Variants in CYRIB observed in about 807,000 individuals in gnomAD.
CYRIB encodes the protein CYFIP-related Rac1 interactor B.
Under a neutral mutation model 44.2 loss-of-function variants are expected in CYRIB, and 8 were observed. The observed-to-expected ratio is 0.18, with a 90% CI of 0.11 to 0.33. The LOEUF (loss-of-function observed/expected upper bound fraction) is 0.33. CYRIB is among the 10% of genes least tolerant of loss of function. The pLI is 1.00. For missense variants in CYRIB, 185 were observed against 382.8 expected (o/e 0.48, Z 4.31); for synonymous variants, 131 against 127.2 (o/e 1.03, Z -0.20).
intron 8 of CYRIB, 169 bp downstream of exon 10, chr8:129,851,993 C>CAT (rs2043505627): frequency 2.5e-6 from 1 of 402,904 alleles, no homozygotes; most frequent in Non-Finnish European, 4.4e-6. Flanking sequence ...ACTGCAAATA[C>CAT]GTGGACAGGT....
intron 4 of CYRIB, among the ~76,000 whole-genome samples, chr8:129,866,208 C>G (rs1271200635): frequency 6.6e-6 from 1 of 152,204 alleles, no homozygotes; most frequent in East Asian, 1.9e-4. Context: ...CAGGTATGTG[C>G]CAACATTTAC....
chr8:129,925,039 C>A (rs2086644109), intron 1 of CYRIB, among the ~76,000 whole-genome samples: 1 of 152,192 alleles, frequency 6.6e-6, no homozygotes, highest in Non-Finnish European at 1.5e-5. Context: ...CCACTCCTTT[C>A]CACCTTGCTA....
At chr8:130,008,856 T>A (rs1450512053) in intron 1 of CYRIB, among the ~76,000 whole-genome samples, 2 of 152,200 alleles carry the variant, frequency 1.3e-5, no homozygotes, top group African/African-American at 2.4e-5. Flanking sequence ...AAGTTTCACT[T>A]CCACGTCGTC....
chr8:129,989,692 C>T (rs1050977759), intron 1 of CYRIB, among the ~76,000 whole-genome samples: 3 of 150,186 alleles, frequency 2.0e-5, no homozygotes, highest in South Asian at 2.1e-4. Context: ...ATGTGCACAA[C>T]GTGCAGGTTT....
At chr8:130,015,748 C>G (rs1053430504) in intron 1 of CYRIB, among the ~76,000 whole-genome samples, 25 of 152,220 alleles carry the variant, frequency 1.6e-4, no homozygotes, top group African/African-American at 5.8e-4. Context: ...GGCACCCACC[C>G]GCTAACACTG....
At chr8:129,898,232 G>A (rs916229933) in intron 2 of CYRIB, among the ~76,000 whole-genome samples, 3 of 151,918 alleles carry the variant, frequency 2.0e-5, no homozygotes, top group African/African-American at 4.8e-5. Flanking sequence ...TTTGCATGAC[G>A]TTAGTGCTAA....
chr8:129,957,973 A>T lies in CYRIB; in HGVS notation c.-243+12970T>A, dbSNP rs538628495. Among the ~76,000 whole-genome samples, 15 of 151,526 alleles carry T rather than the reference A, an allele frequency of 9.9e-5. No homozygotes were observed. The East Asian group carries it at 1.2e-3, about 12-fold the overall frequency. On this transcript the variant is annotated intron_variant, in intron 2 of 14. Coordinates refer to the CYRIB transcript ENST00000401979. Reference sequence around the variant, plus strand: ...GAACGAGACTCCATCTCAAAAAAAAAAAAAAAAATACAAAAAATACAAAAA... The same window carrying T: ...GAACGAGACTCCATCTCAAAAAAAATAAAAAAAATACAAAAAATACAAAAA...
intron 1 of CYRIB, among the ~76,000 whole-genome samples, chr8:129,984,725 G>A (rs2096384869): frequency 2.0e-5 from 3 of 152,114 alleles, no homozygotes; most frequent in African/African-American, 7.2e-5. Flanking sequence ...AAATAGTCCT[G>A]GGTCCTCTAG....
Position 129,869,576 on chromosome 8 carries a change from C to A in CYRIB, c.195+1799G>T, listed in dbSNP as rs138592113. On this transcript the variant is annotated intron_variant, in intron 4 of 11. Coordinates refer to ENST00000519824, the Ensembl canonical transcript of CYRIB. ...CCAATTAATTAAGATCCTACTAAATCATTTAAATCTTTCACTTCCACAAAT... is the reference window on the plus strand; with the variant it reads ...CCAATTAATTAAGATCCTACTAAATAATTTAAATCTTTCACTTCCACAAAT... 4.6e-4 allele frequency among the ~76,000 whole-genome samples: 70 copies of A among 152,174 alleles called. No individual in the cohort carries two copies. The South Asian group carries it at 0.01, about 22-fold the overall frequency.
chr8:129,904,874 T>C (rs2074388647), intron 1 of CYRIB, among the ~76,000 whole-genome samples: 1 of 152,190 alleles, frequency 6.6e-6, no homozygotes, highest in South Asian at 2.1e-4. Context: ...CAAAAATGCA[T>C]ATGGAGTTGG....
chr8:129,929,548 T>C lies in CYRIB; in HGVS notation c.-50+10060A>G, dbSNP rs553575556. ...CTCAATAAAATTGTTTTTAAAAAGA[T>C]GGTGAAAAAAACTTAGTATATAATT... On this transcript the variant is annotated intron_variant, in intron 1 of 11. Coordinates refer to ENST00000519824, the Ensembl canonical transcript of CYRIB. Among the ~76,000 whole-genome samples the C allele has an allele frequency of 5.3e-5, 8 of 152,326 alleles. No homozygotes were observed. The South Asian group carries it at 1.4e-3, about 28-fold the overall frequency.
upstream of CYRIB, chr8:130,016,604 T>C (rs2097354361): frequency 1.3e-5 from 2 of 149,736 alleles, no homozygotes; most frequent in Admixed American, 1.3e-4. Flanking sequence ...AAGCGCTGTT[T>C]ACCTTCGAGA....
chr8:129,986,612 C>G (rs542579958), intron 1 of CYRIB, among the ~76,000 whole-genome samples: 2 of 152,276 alleles, frequency 1.3e-5, no homozygotes, highest in South Asian at 2.1e-4. Flanking sequence ...TGAGCTAGCA[C>G]GAGCTCTCTC....
intron 2 of CYRIB, chr8:129,949,356 T>G (rs2094374996): frequency 6.6e-6 from 1 of 152,186 alleles, no homozygotes; most frequent in African/African-American, 2.4e-5. Flanking sequence ...TTATGAAAGA[T>G]ATTTTATTAC....
upstream of CYRIB, among the ~76,000 whole-genome samples, chr8:129,940,603 C>T (rs2093615962): frequency 6.6e-6 from 1 of 152,130 alleles, no homozygotes; most frequent in Non-Finnish European, 1.5e-5. Context: ...ATAAATGATC[C>T]CTTTCCCTTT....
chr8:129,863,450 G>A (rs1189230070), intron 4 of CYRIB, among the ~76,000 whole-genome samples: 2 of 151,776 alleles, frequency 1.3e-5, no homozygotes, highest in African/African-American at 4.8e-5. Flanking sequence ...GCTTGAACCC[G>A]GGAAGTGGAG....
chr8:129,886,208 A>G (rs2062702631), intron 2 of CYRIB, among the ~76,000 whole-genome samples: 1 of 152,178 alleles, frequency 6.6e-6, no homozygotes, highest in Admixed American at 6.5e-5. Flanking sequence ...TTTTATGCCC[A>G]CTACAATAAA....
At chr8:129,966,605 G>C (rs1030093455) in intron 2 of CYRIB, among the ~76,000 whole-genome samples, 3 of 152,208 alleles carry the variant, frequency 2.0e-5, no homozygotes. Context: ...GCTCATGCCT[G>C]TAATCCTAGC....
At chr8:129,859,418 TG>T (rs2132091072) in intron 5 of CYRIB, among the ~76,000 whole-genome samples, 1 of 151,174 alleles carries the variant, frequency 6.6e-6, no homozygotes. Flanking sequence ...GCCTGACTAA[TG>T]TCAGGCCCTC....
Sources: allele counts gnomAD v4.1 joint callset (sites outside exome capture counted in the v4.1 genomes callset), GRCh38; gene constraint gnomAD v4.1.1; transcripts MANE v1.5; gene names NCBI Gene and HGNC (gene_info 2026-07-23, HGNC 2026-07-21).